Variants in AKAP6 observed in about 807,000 individuals in gnomAD.
AKAP6 encodes the protein A-kinase anchoring protein 6.
A neutral mutation model predicts 188.5 loss-of-function variants in AKAP6; 58 were observed. The observed-to-expected ratio is 0.31, with a 90% CI of 0.25 to 0.38. The LOEUF is 0.38. AKAP6 is among the 10% of genes least tolerant of loss of function. The pLI is 1.00. For missense variants in AKAP6, 2,710 were observed against 2,740.0 expected (o/e 0.99, Z 0.24); for synonymous variants, 989 against 998.6 (o/e 0.99, Z 0.18).
Position 32,506,875 on chromosome 14 carries a change from TTTTCTC to T in AKAP6, c.325-28677_325-28672del, listed in dbSNP as rs1880906061. The stretch of plus-strand genomic sequence containing the variant: ...TACCTCAAAAAAATTGCGCATCTCT[TTTTCTC>T]TGTGTGCATGTATAATTATACACAT... On this transcript the variant is annotated intron_variant, in intron 2 of 13. Coordinates refer to ENST00000280979, the MANE Select transcript of AKAP6 (RefSeq NM_004274.5). 4.6e-5 allele frequency among the ~76,000 whole-genome samples: 7 copies of T among 152,152 alleles called. 1 individual carries two copies. The South Asian group carries it at 1.5e-3, about 32-fold the overall frequency.
At chr14:32,805,703 G>T (rs968187791) in intron 12 of AKAP6, among the ~76,000 whole-genome samples, 1 of 152,154 alleles carries the variant, frequency 6.6e-6, no homozygotes, top group Admixed American at 6.5e-5. Context: ...CTCTATAGAA[G>T]ATCAGATTTA....
Position 32,735,499 on chromosome 14 carries a change from G to GGCA in AKAP6, c.3148-157_3148-155dup, listed in dbSNP as rs367598297. The stretch of plus-strand genomic sequence containing the variant: ...CTGAACTGAATGTCAGTAGTGAGGT[G>GGCA]GCAGGTATAGATGGACTCTTCCAGG... On this transcript the variant is annotated intron_variant, in intron 10 of 13. Transcript: ENST00000280979. 5.4e-3 allele frequency among the ~76,000 whole-genome samples: 818 copies of GGCA among 152,226 alleles called. 3 individuals are homozygous for GGCA. Among genetic ancestry groups the GGCA allele is most frequent in the African/African-American group, 0.019 (785 of 41,542 alleles).
At chr14:32,667,868 T>C (rs1889017354) in intron 7 of AKAP6, among the ~76,000 whole-genome samples, 1 of 152,164 alleles carries the variant, frequency 6.6e-6, no homozygotes, top group African/African-American at 2.4e-5. Flanking sequence ...TTTTATAGAA[T>C]TTCAGAGGAA....
At chr14:32,581,603 C>G (rs1164070608) in intron 5 of AKAP6, among the ~76,000 whole-genome samples, 1 of 152,096 alleles carries the variant, frequency 6.6e-6, no homozygotes, top group Non-Finnish European at 1.5e-5. Context: ...TTGTTAAAGT[C>G]TCCCATTATT....
chr14:32,649,556 G>A (rs1270776069), intron 7 of AKAP6, among the ~76,000 whole-genome samples: 7 of 151,944 alleles, frequency 4.6e-5, no homozygotes, highest in African/African-American at 1.7e-4. Context: ...TAATTTTGTT[G>A]TTATTTTGTG....
At chr14:32,662,516 C>A (rs1888747236) in intron 7 of AKAP6, among the ~76,000 whole-genome samples, 1 of 152,082 alleles carries the variant, frequency 6.6e-6, no homozygotes, top group Non-Finnish European at 1.5e-5. Flanking sequence ...CGTGGTGTGT[C>A]TCTTAACTTT....
intron 9 of AKAP6, among the ~76,000 whole-genome samples, chr14:32,710,628 G>A (rs1421624299): frequency 6.6e-6 from 1 of 152,012 alleles, no homozygotes; most frequent in Non-Finnish European, 1.5e-5. Flanking sequence ...CAGCCATGGC[G>A]CTACACAAAG....
chr14:32,627,679 A>C (rs1271572963), intron 7 of AKAP6, among the ~76,000 whole-genome samples: 4 of 152,138 alleles, frequency 2.6e-5, no homozygotes, highest in Non-Finnish European at 5.9e-5. Context: ...ACAGGAAATT[A>C]AGTTCTTAAA....
intron 1 of AKAP6, among the ~76,000 whole-genome samples, chr14:32,415,754 CTAAG>C (rs1248560276): frequency 2.6e-5 from 4 of 152,132 alleles, no homozygotes; most frequent in African/African-American, 9.7e-5. Context: ...TTAGACTACT[CTAAG>C]TACCTCATAT....
intron 5 of AKAP6, among the ~76,000 whole-genome samples, chr14:32,582,091 G>C (rs571854752): frequency 2.0e-5 from 3 of 150,734 alleles, no homozygotes; most frequent in East Asian, 1.9e-4. Flanking sequence ...TCCTAGCCTC[G>C]ATGGTCTTTA....
intron 1 of AKAP6, among the ~76,000 whole-genome samples, chr14:32,346,608 A>G (rs1368713668): frequency 6.6e-6 from 1 of 152,202 alleles, no homozygotes; most frequent in Non-Finnish European, 1.5e-5. Flanking sequence ...TCCCGGGTTC[A>G]CGCCATTCTC....
chr14:32,647,626 G>A (rs1888038117), intron 7 of AKAP6, among the ~76,000 whole-genome samples: 4 of 151,916 alleles, frequency 2.6e-5, no homozygotes, highest in Admixed American at 2.6e-4. Context: ...AGGATAAAGG[G>A]GCATCAATGA....
At chr14:32,752,736 A>G (rs2139912237) in intron 11 of AKAP6, among the ~76,000 whole-genome samples, 1 of 152,272 alleles carries the variant, frequency 6.6e-6, no homozygotes. Flanking sequence ...CTCTTCTCTG[A>G]GTTCAATTTA....
chr14:32,427,432 GC>G (rs1890072834), intron 1 of AKAP6, among the ~76,000 whole-genome samples: 1 of 152,120 alleles, frequency 6.6e-6, no homozygotes, highest in Non-Finnish European at 1.5e-5. Flanking sequence ...GCAACTCTTT[GC>G]CTCTTCTATT....
At chr14:32,728,456 G>A (rs1349667139) in intron 9 of AKAP6, among the ~76,000 whole-genome samples, 1 of 151,728 alleles carries the variant, frequency 6.6e-6, no homozygotes, top group Non-Finnish European at 1.5e-5. Flanking sequence ...ATAAACAGGT[G>A]TTTGTGGCAT....
chr14:32,347,039 T>A (rs763551369), intron 1 of AKAP6, among the ~76,000 whole-genome samples: 1 of 152,248 alleles, frequency 6.6e-6, no homozygotes, highest in Non-Finnish European at 1.5e-5. Context: ...GTCTGTTTGA[T>A]AGATTGATGA....
At chr14:32,636,698 T>G (rs570969462) in intron 7 of AKAP6, among the ~76,000 whole-genome samples, 5 of 152,226 alleles carry the variant, frequency 3.3e-5, no homozygotes, top group African/African-American at 7.2e-5. Flanking sequence ...TGAAAATGCC[T>G]TCAGAAAGTG....
rs568224354 is a variant in AKAP6, at chr14:32,560,112, A to C, written c.2346+13113A>C. On this transcript the variant is annotated intron_variant, in intron 4 of 13. Transcript: ENST00000280979. The stretch of plus-strand genomic sequence containing the variant: ...ACAAATGTCTCCAAGGCATACATAA[A>C]CTTAAGATACACAGTAGATGAATGG... Among the ~76,000 whole-genome samples, 18 of 152,250 alleles carry C rather than the reference A, an allele frequency of 1.2e-4. No homozygotes were observed. In the East Asian group the frequency reaches 3.5e-3, roughly 29 times the overall value.
intron 1 of AKAP6, among the ~76,000 whole-genome samples, chr14:32,412,228 C>T (rs1482901380): frequency 6.6e-6 from 1 of 152,124 alleles, no homozygotes; most frequent in African/African-American, 2.4e-5. Context: ...TTTATTTCTT[C>T]ACTAATTGAA....
Sources: allele counts gnomAD v4.1 joint callset (sites outside exome capture counted in the v4.1 genomes callset), GRCh38; gene constraint gnomAD v4.1.1; transcripts MANE v1.5; gene names NCBI Gene and HGNC (gene_info 2026-07-23, HGNC 2026-07-21).